Variants in PLPP4 observed in about 807,000 individuals in gnomAD.
The protein encoded by PLPP4 is diacylglycerol pyrophosphate like 2.
PLPP4 carries 20 observed loss-of-function variants against 32.2 expected under a neutral mutation model. The observed-to-expected ratio is 0.62, with a 90% confidence interval of 0.44 to 0.90. PLPP4 has a LOEUF of 0.90. PLPP4 is among the 40% of genes least tolerant of loss of function. PLPP4 has a pLI of 0.00. For missense variants in PLPP4, 257 were observed against 353.1 expected (o/e 0.73, Z 2.18); for synonymous variants, 127 against 133.0 (o/e 0.95, Z 0.31).
At chr10:120,516,126 GT>G (rs765378707) in intron 3 of PLPP4, among the ~76,000 whole-genome samples, 2 of 151,590 alleles carry the variant, frequency 1.3e-5, no homozygotes, top group Admixed American at 6.6e-5. Flanking sequence ...GTGTGTAGAG[GT>G]TTTTTTTTCA....
chr10:120,516,886 G>C (rs989549165), intron 3 of PLPP4, among the ~76,000 whole-genome samples: 3 of 152,144 alleles, frequency 2.0e-5, no homozygotes, highest in African/African-American at 7.2e-5. Context: ...AAAATATTAA[G>C]CAGTTTGGTT....
At position 120,457,292 on chromosome 10, in the gene PLPP4, G is replaced by T; in HGVS notation, c.-14G>T. 1 of 1,513,102 alleles carries T rather than the reference G, an allele frequency of 6.6e-7. No individual in the cohort carries two copies. The highest frequency in any genetic ancestry group is 8.9e-7 in the Non-Finnish European group (1 of 1,128,622). 93.7% of individuals were successfully genotyped at this position (1,513,102 alleles called of 1,614,324 possible). On this transcript the variant is annotated 5_prime_UTR_variant, in exon 1 of 7. Transcript: ENST00000398250. ...AGCACCAGCTGACGCCGCGGGAGCT[G>T]CTCCGGCCGCACCATGCGGGAGCTG... is the stretch of plus-strand genomic sequence containing the variant.
At position 120,523,145 on chromosome 10, in the gene PLPP4, C is replaced by A. The variant is rs1478043703; in HGVS notation, c.445+2050C>A. Among the ~76,000 whole-genome samples the A allele has an allele frequency of 7.2e-5, 11 of 152,086 alleles. No homozygotes were observed. The East Asian group carries it at 1.2e-3, about 16-fold the overall frequency. On this transcript the variant is annotated intron_variant, in intron 5 of 6. Transcript: ENST00000398250. The stretch of plus-strand genomic sequence containing the variant: ...ACCCCACCTCTACTAAAAACACACA[C>A]AAAAAAATTAGCTGGACTTGGTGGC...
intron 1 of PLPP4, among the ~76,000 whole-genome samples, chr10:120,473,655 G>A (rs1056333592): frequency 2.0e-5 from 3 of 152,172 alleles, no homozygotes; most frequent in African/African-American, 4.8e-5. Context: ...ACATACTGAA[G>A]GAGGGGCATG....
intron 1 of PLPP4, among the ~76,000 whole-genome samples, chr10:120,473,819 G>A (rs1843772021): frequency 6.6e-6 from 1 of 152,042 alleles, no homozygotes; most frequent in South Asian, 2.1e-4. Flanking sequence ...CTTCCCCTTT[G>A]CCCTTCTGCT....
At chr10:120,568,646 C>T (rs1238790709) in intron 5 of PLPP4, among the ~76,000 whole-genome samples, 1 of 152,212 alleles carries the variant, frequency 6.6e-6, no homozygotes, top group African/African-American at 2.4e-5. Context: ...CAAACCTGCT[C>T]ATGCTCATAT....
chr10:120,520,149 A>G (rs1476917527), intron 4 of PLPP4, among the ~76,000 whole-genome samples: 1 of 152,198 alleles, frequency 6.6e-6, no homozygotes, highest in Non-Finnish European at 1.5e-5. Flanking sequence ...GACTTCCTGC[A>G]GCTGTGATTG....
intron 1 of PLPP4, among the ~76,000 whole-genome samples, chr10:120,503,312 G>T (rs1299296450): frequency 1.3e-5 from 2 of 152,164 alleles, no homozygotes; most frequent in Admixed American, 1.3e-4. Context: ...TGATGGCTGA[G>T]ATCTGAAAAA....
chr10:120,507,474 T>G (rs1407595121), intron 2 of PLPP4, among the ~76,000 whole-genome samples: 1 of 152,200 alleles, frequency 6.6e-6, no homozygotes, highest in African/African-American at 2.4e-5. Flanking sequence ...CAGTTAATCT[T>G]CAGAATCCTT....
intron 5 of PLPP4, among the ~76,000 whole-genome samples, chr10:120,532,056 C>G (rs1846762931): frequency 6.6e-6 from 1 of 152,104 alleles, no homozygotes; most frequent in Non-Finnish European, 1.5e-5. Flanking sequence ...TGCTATCCCT[C>G]CCCTAGCCCC....
chr10:120,490,830 A>G (rs1049198905), intron 1 of PLPP4, among the ~76,000 whole-genome samples: 2 of 152,208 alleles, frequency 1.3e-5, no homozygotes, highest in Non-Finnish European at 2.9e-5. Flanking sequence ...CAAGGAAGGA[A>G]AATCTCAAAG....
At chr10:120,586,298 T>A (rs1849757518) in intron 6 of PLPP4, among the ~76,000 whole-genome samples, 1 of 95,844 alleles carries the variant, frequency 1.0e-5, no homozygotes, top group African/African-American at 3.5e-5. Context: ...CACACCTGGC[T>A]ATTTTTTTTT....
At chr10:120,514,997 G>A (rs913272207) in intron 3 of PLPP4, among the ~76,000 whole-genome samples, 1 of 152,170 alleles carries the variant, frequency 6.6e-6, no homozygotes, top group African/African-American at 2.4e-5. Context: ...CCTTTTCCAT[G>A]GTAAGGGAGT....
At chr10:120,545,822 A>G (rs1241820543) in intron 5 of PLPP4, among the ~76,000 whole-genome samples, 5 of 152,024 alleles carry the variant, frequency 3.3e-5, no homozygotes, top group Admixed American at 2.6e-4. Context: ...GCCCAAGGAG[A>G]TTCACATTTG....
chr10:120,522,518 C>T (rs1846198091), intron 5 of PLPP4, among the ~76,000 whole-genome samples: 2 of 152,200 alleles, frequency 1.3e-5, no homozygotes, highest in Non-Finnish European at 1.5e-5. Flanking sequence ...GGAATTCCTG[C>T]TGTCTTGGGA....
chr10:120,549,940 G>A (rs1589862713), intron 5 of PLPP4, among the ~76,000 whole-genome samples: 1 of 152,036 alleles, frequency 6.6e-6, no homozygotes, highest in Non-Finnish European at 1.5e-5. Context: ...ATAAAGAGAT[G>A]TCTATTTCTA....
chr10:120,581,502 A>T (rs1849508045), intron 6 of PLPP4, among the ~76,000 whole-genome samples: 1 of 152,214 alleles, frequency 6.6e-6, no homozygotes, highest in African/African-American at 2.4e-5. Context: ...TCAGCATCAC[A>T]GCCTGTGTCC....
chr10:120,512,910 A>G (rs779580237), intron 2 of PLPP4, among the ~76,000 whole-genome samples: 2 of 152,210 alleles, frequency 1.3e-5, no homozygotes, highest in Non-Finnish European at 2.9e-5. Flanking sequence ...TTACTAGAGC[A>G]GAGAGAGAGA....
intron 1 of PLPP4, among the ~76,000 whole-genome samples, chr10:120,493,746 G>T (rs764052700): frequency 6.6e-6 from 1 of 152,124 alleles, no homozygotes; most frequent in Non-Finnish European, 1.5e-5. Flanking sequence ...TCGAGGGAGG[G>T]ATTCCTGCCC....
Sources: allele counts gnomAD v4.1 joint callset (sites outside exome capture counted in the v4.1 genomes callset), GRCh38; gene constraint gnomAD v4.1.1; transcripts MANE v1.5; gene names NCBI Gene and HGNC (gene_info 2026-07-23, HGNC 2026-07-21).